Variants in SNX25 observed in about 807,000 individuals in gnomAD.
SNX25 encodes the protein sorting nexin-25.
Under a neutral mutation model 113.7 loss-of-function variants are expected in SNX25, and 62 were observed. The observed-to-expected ratio is 0.55, with a 90% CI of 0.44 to 0.67. The LOEUF is 0.67. Among genes scored for constraint, SNX25 ranks in the 30% least tolerant of loss-of-function variants. SNX25 has a pLI of 0.00. For synonymous variants in SNX25, 421 were observed against 436.2 expected, an observed-to-expected ratio of 0.97 and a Z score of 0.43; for missense variants, 1,014 against 1,161.0, an observed-to-expected ratio of 0.87 and a Z score of 1.84.
intron 1 of SNX25, among the ~76,000 whole-genome samples, chr4:185,233,959 A>G (rs1742236226): frequency 1.3e-5 from 2 of 152,122 alleles, no homozygotes; most frequent in South Asian, 2.1e-4. Context: ...CCGGGTTCAC[A>G]CCATTCTCCT....
At chr4:185,298,962 C>T (rs575225775) in intron 6 of SNX25, among the ~76,000 whole-genome samples, 1 of 152,208 alleles carries the variant, frequency 6.6e-6, no homozygotes, top group South Asian at 2.1e-4. Context: ...TTCTTGAGTA[C>T]CATTGTGTAT....
intron 13 of SNX25, among the ~76,000 whole-genome samples, chr4:185,350,790 A>T (rs1302985039): frequency 6.6e-6 from 1 of 152,218 alleles, no homozygotes; most frequent in Admixed American, 6.5e-5. Flanking sequence ...GGAACCCAGG[A>T]GGCAGAAGTT....
At position 185,280,794 on chromosome 4, in the gene SNX25, G is replaced by A. The variant is rs1467686126; in HGVS notation, c.1092-7218G>A. On this transcript the variant is annotated intron_variant, in intron 5 of 18. Transcript: ENST00000652585. ...TGTTTGGAATTATGTCAGTAAGAAT[G>A]ACAGATTCTACTTTTGCCTGGGTGA... 2.0e-5 allele frequency among the ~76,000 whole-genome samples: 3 copies of A among 152,216 alleles called. No homozygotes were observed. The East Asian group carries it at 5.8e-4, about 29-fold the overall frequency.
intron 10 of SNX25, 61 bp from the exon 11 acceptor site, chr4:185,339,318 T>C: frequency 6.6e-7 from 1 of 1,514,256 alleles, no homozygotes; most frequent in Non-Finnish European, 9.1e-7. Flanking sequence ...ATCCTGCTAC[T>C]TTGCTGAATT....
intron 7 of SNX25, among the ~76,000 whole-genome samples, chr4:185,317,383 T>G (rs1019211308): frequency 6.6e-5 from 10 of 152,190 alleles, no homozygotes; most frequent in African/African-American, 2.2e-4. Context: ...GGAGTGTAAA[T>G]TAGTTCAACC....
chr4:185,210,646 C>CTT lies in SNX25; in HGVS notation c.429+392_429+393dup, dbSNP rs1737627598. On this transcript the variant is annotated intron_variant, in intron 1 of 18. Coordinates refer to ENST00000652585, the MANE Select transcript of SNX25 (RefSeq NM_001378034.2). The surrounding 1 kb of genome is among the most constrained non-coding windows in gnomAD (Gnocchi z 4.4). ...CACGGTCCTGGCGATCCGCTTGGTTCTTCTGGCCGTTCTCGGTGGGAGGCA... is the reference window on the plus strand; with the variant it reads ...CACGGTCCTGGCGATCCGCTTGGTTCTTTTCTGGCCGTTCTCGGTGGGAGGCA... Among the ~76,000 whole-genome samples, 1 of 151,960 alleles carries CTT rather than the reference C, an allele frequency of 6.6e-6. No individual in the cohort carries two copies.
chr4:185,314,587 C>T (rs1417182090), intron 7 of SNX25, among the ~76,000 whole-genome samples: 1 of 152,108 alleles, frequency 6.6e-6, no homozygotes, highest in Non-Finnish European at 1.5e-5. Context: ...AGGCTGGGCG[C>T]AGTGGCTCAC....
intron 16 of SNX25, among the ~76,000 whole-genome samples, chr4:185,361,398 A>G (rs776628283): frequency 6.6e-6 from 1 of 152,186 alleles, no homozygotes; most frequent in African/African-American, 2.4e-5. Context: ...GTTAGTGCCA[A>G]TGACAAAATT....
chr4:185,362,205 C>T (rs977875291), intron 17 of SNX25, 100 bp downstream of exon 17: 182 of 1,402,400 alleles, frequency 1.3e-4, no homozygotes, highest in Admixed American at 4.3e-4. Flanking sequence ...ACATTCTTTA[C>T]AATGAAAAAA....
intron 7 of SNX25, among the ~76,000 whole-genome samples, chr4:185,316,213 C>T (rs1363466726): frequency 1.3e-5 from 2 of 152,178 alleles, no homozygotes; most frequent in African/African-American, 2.4e-5. Context: ...TCTCTTTCTC[C>T]TGGTTCAGGC....
chr4:185,219,288 A>G (rs3112895), intron 1 of SNX25, among the ~76,000 whole-genome samples: 121,144 of 152,168 alleles, frequency 0.8, 48,675 homozygotes, highest in African/African-American at 0.92. Flanking sequence ...GGCTGGGTGC[A>G]GTGGCTCACA....
chr4:185,243,699 A>G (rs879482360), intron 1 of SNX25, among the ~76,000 whole-genome samples: 10 of 152,214 alleles, frequency 6.6e-5, no homozygotes, highest in Non-Finnish European at 1.5e-4. Flanking sequence ...CCATTTTATC[A>G]TTAAATAAAT....
chr4:185,228,855 A>G (rs1225277073), intron 1 of SNX25, among the ~76,000 whole-genome samples: 1 of 152,246 alleles, frequency 6.6e-6, no homozygotes, highest in Non-Finnish European at 1.5e-5. Context: ...ATCCTATGAG[A>G]AAGCTACTGT....
intron 5 of SNX25, among the ~76,000 whole-genome samples, chr4:185,274,853 A>T (rs555762510): frequency 2.0e-5 from 3 of 152,332 alleles, no homozygotes; most frequent in African/African-American, 7.2e-5. Flanking sequence ...CTTGCCCAGG[A>T]TCCCATAGAT....
chr4:185,374,859 T>C (rs1380529318), downstream of SNX25, among the ~76,000 whole-genome samples: 1 of 152,168 alleles, frequency 6.6e-6, no homozygotes, highest in Non-Finnish European at 1.5e-5. Flanking sequence ...TTTATAATTC[T>C]TACGATACAC....
intron 1 of SNX25, among the ~76,000 whole-genome samples, chr4:185,223,536 T>C (rs1288215589): frequency 6.6e-6 from 1 of 152,190 alleles, no homozygotes; most frequent in African/African-American, 2.4e-5. Flanking sequence ...GGGCGGCGGC[T>C]CACGCCTGTG....
Position 185,282,514 on chromosome 4 carries a change from G to C in SNX25, c.1092-5498G>C, listed in dbSNP as rs141463609. 6.8e-4 allele frequency among the ~76,000 whole-genome samples: 103 copies of C among 152,268 alleles called. 2 individuals are homozygous for C. In the East Asian group the frequency reaches 0.016, roughly 24 times the overall value. On this transcript the variant is annotated intron_variant, in intron 5 of 18. Transcript: ENST00000652585. ...GGTGATGACTTTGAAGTGCTGCGTAGCATTTCAGTGAGTTTGAGATTGTTG... is the reference window on the plus strand; with the variant it reads ...GGTGATGACTTTGAAGTGCTGCGTACCATTTCAGTGAGTTTGAGATTGTTG...
chr4:185,368,800 T>TG (rs1259310758), downstream of SNX25, among the ~76,000 whole-genome samples: 4 of 148,642 alleles, frequency 2.7e-5, no homozygotes, highest in Non-Finnish European at 4.4e-5. Flanking sequence ...GTTTTGTTTT[T>TG]TTTTTTTTTT....
rs545170290 is a variant in SNX25, at chr4:185,226,101, T to C, written c.429+15846T>C. On this transcript the variant is annotated intron_variant, in intron 1 of 18. Transcript: ENST00000652585. ...ACTAATCAAGTAAGGCACCTGGTTG[T>C]GACTGCAGACTCTCTCTCAATACAG... Among the ~76,000 whole-genome samples the C allele has an allele frequency of 4.6e-5, 7 of 152,278 alleles. No individual in the cohort carries two copies. In the East Asian group the frequency reaches 1.4e-3, roughly 29 times the overall value.
Sources: gnomAD v4.1 joint callset for allele counts (sites outside exome capture counted in the v4.1 genomes callset) on GRCh38, gnomAD v4.1.1 for gene constraint, Gnocchi (gnomAD v3.1) non-coding constraint, MANE v1.5 for transcripts, NCBI Gene and HGNC (gene_info 2026-07-23, HGNC 2026-07-21) for gene names.